Variants in INPP5A observed in about 807,000 individuals in gnomAD.
The protein encoded by INPP5A is inositol polyphosphate-5-phosphatase A.
Under a neutral mutation model 65.2 loss-of-function variants are expected in INPP5A, and 14 were observed. That is an observed-to-expected ratio of 0.21 (90% confidence interval 0.14 to 0.34). INPP5A has a LOEUF of 0.34. Among genes scored for constraint, INPP5A ranks in the 10% least tolerant of loss-of-function variants. The pLI is 1.00. For synonymous variants in INPP5A, 207 were observed against 208.3 expected (o/e 0.99, Z 0.05); for missense variants, 431 against 545.6 (o/e 0.79, Z 2.09).
intron 9 of INPP5A, among the ~76,000 whole-genome samples, chr10:132,734,496 A>C (rs1489584572): frequency 6.6e-6 from 1 of 152,206 alleles, no homozygotes; most frequent in Non-Finnish European, 1.5e-5. Context: ...CCAGCTGCTC[A>C]GCTGAGCAGG....
At chr10:132,677,644 C>T (rs759452419) in intron 4 of INPP5A, among the ~76,000 whole-genome samples, 53 of 152,302 alleles carry the variant, frequency 3.5e-4, no homozygotes, top group Admixed American at 9.8e-4. Context: ...TGCTCCTCAC[C>T]GTGGTAATCG....
At chr10:132,677,764 A>G (rs1234106049) in intron 4 of INPP5A, among the ~76,000 whole-genome samples, 2 of 152,148 alleles carry the variant, frequency 1.3e-5, no homozygotes, top group African/African-American at 4.8e-5. Flanking sequence ...CTGGTGTTCC[A>G]CCCTGGCAGA....
chr10:132,756,159 C>T (rs1034015411), intron 11 of INPP5A, among the ~76,000 whole-genome samples: 1 of 151,972 alleles, frequency 6.6e-6, no homozygotes, highest in Non-Finnish European at 1.5e-5. Flanking sequence ...AAGAGAAAAG[C>T]AAGTGTGGGG....
At chr10:132,714,344 C>A (rs917335247) in intron 8 of INPP5A, among the ~76,000 whole-genome samples, 4 of 152,178 alleles carry the variant, frequency 2.6e-5, no homozygotes, top group Non-Finnish European at 5.9e-5. Context: ...CGCCCTTTCA[C>A]CGCGGCTGCT....
In INPP5A at chr10:132,575,700, C is replaced by T. The variant is rs1171226372; in HGVS notation, c.76-32215C>T. 1.3e-5 allele frequency among the ~76,000 whole-genome samples: 2 copies of T among 152,208 alleles called. No homozygotes were observed. Among genetic ancestry groups the T allele is most frequent in the African/African-American group, 4.8e-5 (2 of 41,454 alleles). ...CTTAGACAAGGAACTCCTGACGCCT[C>T]AGCGCCTGGCCCTCAGGACAGCCTT... On this transcript the variant is annotated intron_variant, in intron 1 of 15. Transcript: ENST00000368594. The surrounding 1 kb of genome is among the most constrained non-coding windows in gnomAD (Gnocchi z 5.4).
At chr10:132,754,323 G>A (rs918108111) in intron 11 of INPP5A, among the ~76,000 whole-genome samples, 10 of 152,252 alleles carry the variant, frequency 6.6e-5, no homozygotes, top group Admixed American at 3.9e-4. Flanking sequence ...CGGTGAGCCC[G>A]TGTCCAATGA....
At chr10:132,731,920 C>T (rs148559372) in intron 9 of INPP5A, among the ~76,000 whole-genome samples, 6 of 152,336 alleles carry the variant, frequency 3.9e-5, no homozygotes, top group Admixed American at 3.3e-4. Context: ...CTTCAACAGA[C>T]GTAGATGCCA....
rs1846034425 is a variant in INPP5A at position 132,728,962 on chromosome 10, T to C, written c.732+2057T>C. Among the ~76,000 whole-genome samples the C allele has an allele frequency of 1.3e-5, 2 of 151,760 alleles. 1 individual carries two copies. The highest frequency in any genetic ancestry group is 6.3e-3 in the Middle Eastern group (2 of 316). On this transcript the variant is annotated intron_variant, in intron 9 of 15. Transcript: ENST00000368594. ...GTGGCCGCTCTGGTCTTGGCAGGCG[T>C]GGGGGTCCTGGACGCTGGGTCCCGT...
At chr10:132,572,786 G>T (rs537975025) in intron 1 of INPP5A, among the ~76,000 whole-genome samples, 1 of 152,294 alleles carries the variant, frequency 6.6e-6, no homozygotes, top group South Asian at 2.1e-4. Flanking sequence ...CCCTGCCTCT[G>T]CTGGGCGTCT....
chr10:132,562,421 G>C (rs147103325), intron 1 of INPP5A, among the ~76,000 whole-genome samples: 4 of 152,372 alleles, frequency 2.6e-5, no homozygotes, highest in Non-Finnish European at 5.9e-5. Context: ...GGGCCTGGGG[G>C]TGGCTCCCCC....
intron 4 of INPP5A, among the ~76,000 whole-genome samples, chr10:132,688,464 G>T (rs192684398): frequency 6.6e-6 from 1 of 152,346 alleles, no homozygotes; most frequent in Admixed American, 6.5e-5. Flanking sequence ...CATTGCCTTT[G>T]ACTTTCTTAG....
intron 12 of INPP5A, among the ~76,000 whole-genome samples, chr10:132,769,715 T>G (rs1846915430): frequency 6.6e-6 from 1 of 152,134 alleles, no homozygotes; most frequent in Non-Finnish European, 1.5e-5. Flanking sequence ...AGCATTGGTC[T>G]GCCCGGCTCC....
chr10:132,691,691 AAACT>A (rs1268382800), intron 5 of INPP5A, among the ~76,000 whole-genome samples: 4 of 152,230 alleles, frequency 2.6e-5, no homozygotes, highest in Admixed American at 6.5e-5. Flanking sequence ...CCATGTGGCC[AAACT>A]AACAAGAACA....
intron 4 of INPP5A, among the ~76,000 whole-genome samples, chr10:132,682,079 C>T (rs1160478751): frequency 1.3e-5 from 2 of 152,092 alleles, no homozygotes; most frequent in Non-Finnish European, 1.5e-5. Flanking sequence ...GGGAAGGGAG[C>T]TGCTGCTGGA....
At chr10:132,640,582 G>A (rs894411223) in intron 2 of INPP5A, among the ~76,000 whole-genome samples, 10 of 152,244 alleles carry the variant, frequency 6.6e-5, no homozygotes, top group South Asian at 6.2e-4. Context: ...TCTGACTCCC[G>A]GCGCTGCCTG....
At chr10:132,570,237 G>A (rs772788456) in intron 1 of INPP5A, among the ~76,000 whole-genome samples, 18 of 152,234 alleles carry the variant, frequency 1.2e-4, no homozygotes, top group Non-Finnish European at 2.1e-4. Context: ...GTGAGCCTGC[G>A]CTCTGCTGAT....
rs1846279326 is a variant in INPP5A, at chr10:132,741,876, C to G, written c.733-7641C>G. Among the ~76,000 whole-genome samples the G allele has an allele frequency of 6.6e-6, 1 of 152,202 alleles. No homozygotes were observed. Among genetic ancestry groups the G allele is most frequent in the South Asian group, 2.1e-4 (1 of 4,836 alleles). ...CATAGCTGATATAAACTGCAGCTGG[C>G]TGCAGCACCCACGAATGGCTTCTTT... On this transcript the variant is annotated intron_variant, in intron 9 of 15. Transcript: ENST00000368594. This position sits in a 1 kb window ranked among gnomAD's most constrained non-coding sequence, Gnocchi z 4.4.
intron 1 of INPP5A, among the ~76,000 whole-genome samples, chr10:132,577,462 C>T (rs1374024603): frequency 6.6e-6 from 1 of 152,234 alleles, no homozygotes; most frequent in Non-Finnish European, 1.5e-5. Context: ...CATGCCCGGC[C>T]CCGGGCCAGG....
intron 2 of INPP5A, among the ~76,000 whole-genome samples, chr10:132,630,284 G>A (rs894736117): frequency 7.3e-5 from 11 of 151,648 alleles, no homozygotes; most frequent in Admixed American, 1.3e-4. Flanking sequence ...GCATCCTTGA[G>A]GGGAAGGCAT....
Sources: allele counts gnomAD v4.1 joint callset (sites outside exome capture counted in the v4.1 genomes callset), GRCh38; gene constraint gnomAD v4.1.1; non-coding constraint Gnocchi (gnomAD v3.1); transcripts MANE v1.5; gene names NCBI Gene and HGNC (gene_info 2026-07-23, HGNC 2026-07-21).